Variants in WSCD2 observed in about 807,000 individuals in gnomAD.
The protein encoded by WSCD2 is sialate:O-sulfotransferase 2.
A neutral mutation model predicts 55.7 loss-of-function variants in WSCD2; 28 were observed. The ratio of observed to expected loss-of-function variants is 0.50; its 90% confidence interval spans 0.37 to 0.69. The LOEUF is 0.69. Among genes scored for constraint, WSCD2 ranks in the 30% least tolerant of loss-of-function variants. The pLI, the probability that WSCD2 is intolerant of heterozygous loss-of-function variation, is 0.00. For missense variants in WSCD2, 616 were observed against 762.1 expected (o/e 0.81, Z 2.26); for synonymous variants, 301 against 301.9 (o/e 1.00, Z 0.03).
At chr12:108,221,222 G>C (rs1160394968) in intron 4 of WSCD2, among the ~76,000 whole-genome samples, 1 of 152,100 alleles carries the variant, frequency 6.6e-6, no homozygotes, top group African/African-American at 2.4e-5. Flanking sequence ...CACAGTGCTT[G>C]GGACTTCCCG....
At chr12:108,219,675 C>A (rs770798710) in intron 4 of WSCD2, among the ~76,000 whole-genome samples, 1 of 152,154 alleles carries the variant, frequency 6.6e-6, no homozygotes, top group Non-Finnish European at 1.5e-5. Flanking sequence ...GGCCTCAGAC[C>A]CCACCAGGGT....
intron 2 of WSCD2, among the ~76,000 whole-genome samples, chr12:108,204,469 C>A (rs1377988833): frequency 6.6e-6 from 1 of 152,188 alleles, no homozygotes; most frequent in East Asian, 1.9e-4. Flanking sequence ...AATGGCTGAA[C>A]TGAAGTTAGT....
At chr12:108,174,245 A>G (rs4964233) in intron 1 of WSCD2, among the ~76,000 whole-genome samples, 102,449 of 151,994 alleles carry the variant, frequency 0.67, 36,166 homozygotes, top group East Asian at 0.91. Context: ...CCCTCCCCAC[A>G]TATGTAGGCA....
intron 1 of WSCD2, among the ~76,000 whole-genome samples, chr12:108,147,603 A>G (rs1471174743): frequency 6.6e-6 from 1 of 152,138 alleles, no homozygotes; most frequent in African/African-American, 2.4e-5. Context: ...GACAGCGGGT[A>G]TGGTGGCTCA....
intron 1 of WSCD2, among the ~76,000 whole-genome samples, chr12:108,157,459 C>A (rs1878636052): frequency 6.6e-6 from 1 of 152,188 alleles, no homozygotes; most frequent in Non-Finnish European, 1.5e-5. Flanking sequence ...TGGCCCCTAA[C>A]TCCTCTGGGC....
At chr12:108,185,371 C>T (rs1454884007) in intron 1 of WSCD2, among the ~76,000 whole-genome samples, 1 of 152,162 alleles carries the variant, frequency 6.6e-6, no homozygotes, top group Non-Finnish European at 1.5e-5. Context: ...CTTTTTCCAC[C>T]TCCCAGTCTC....
intron 1 of WSCD2, among the ~76,000 whole-genome samples, chr12:108,186,721 T>A (rs1007289685): frequency 6.6e-6 from 1 of 152,234 alleles, no homozygotes; most frequent in Admixed American, 6.5e-5. Flanking sequence ...TTTGGGTAAA[T>A]TCCCATGAGC....
intron 3 of WSCD2, among the ~76,000 whole-genome samples, chr12:108,208,472 T>A (rs11113774): frequency 1.3e-5 from 2 of 152,094 alleles, no homozygotes; most frequent in African/African-American, 4.8e-5. Context: ...GAGGGCTCCA[T>A]GTGGAGGGTT....
chr12:108,177,495 T>C (rs923955312), intron 1 of WSCD2, among the ~76,000 whole-genome samples: 4 of 152,118 alleles, frequency 2.6e-5, no homozygotes, highest in South Asian at 2.1e-4. Context: ...TTACTGAAGC[T>C]CTCTGGGCCT....
chr12:108,182,134 A>G (rs1881853870), intron 1 of WSCD2, among the ~76,000 whole-genome samples: 1 of 152,208 alleles, frequency 6.6e-6, no homozygotes, highest in Admixed American at 6.5e-5. Context: ...GAAAAAATAA[A>G]TCACTCCTAA....
Position 108,248,672 on chromosome 12 carries a change from C to A in WSCD2, c.*329C>A. On this transcript the variant is annotated 3_prime_UTR_variant, in exon 9 of 9. Transcript: ENST00000547525. The surrounding 1 kb of genome is among the most constrained non-coding windows in gnomAD (Gnocchi z 4.3). ...ATTTGTGGGAGGGAGGGCTCATCCACATCATGGAGACTTGCTGGATGCCCC... is the reference window on the plus strand; with the variant it reads ...ATTTGTGGGAGGGAGGGCTCATCCAAATCATGGAGACTTGCTGGATGCCCC... The A allele has an allele frequency of 9.3e-7, 1 of 1,072,320 alleles. No individual in the cohort carries two copies. The allele number at this position is 1,072,320 out of a possible 1,614,324, so 66.4% of individuals were successfully genotyped here. A position where few individuals can be genotyped will look rare whatever the true frequency, so the allele number is the denominator to read the frequency against.
intron 7 of WSCD2, chr12:108,233,098 G>T (rs117189074): frequency 1.7e-6 from 1 of 596,834 alleles, no homozygotes; most frequent in Admixed American, 3.1e-5. Context: ...TCATGTCCTG[G>T]ATACTCCACT....
At chr12:108,138,984 A>C (rs1876506659) in intron 1 of WSCD2, among the ~76,000 whole-genome samples, 1 of 152,174 alleles carries the variant, frequency 6.6e-6, no homozygotes, top group African/African-American at 2.4e-5. Flanking sequence ...TCATGTTCAC[A>C]GCTGTGCCTC....
At chr12:108,142,460 A>G (rs1009021265) in intron 1 of WSCD2, among the ~76,000 whole-genome samples, 1 of 152,212 alleles carries the variant, frequency 6.6e-6, no homozygotes, top group African/African-American at 2.4e-5. Context: ...CAGCAGCTTC[A>G]GGTGTAAGGC....
chr12:108,211,654 T>C (rs9739684), intron 4 of WSCD2, among the ~76,000 whole-genome samples: 1 of 144,266 alleles, frequency 6.9e-6, no homozygotes, highest in African/African-American at 2.6e-5. Flanking sequence ...TATATATACA[T>C]ATATATATAT....
Position 108,232,729 on chromosome 12 carries a change from A to G in WSCD2, c.980-2A>G. The G allele has an allele frequency of 6.2e-7, 1 of 1,609,150 alleles. No individual in the cohort carries two copies. Among genetic ancestry groups the G allele is most frequent in the Non-Finnish European group, 8.5e-7 (1 of 1,177,050 alleles). On this transcript the variant is annotated splice_acceptor_variant, in intron 6 of 8. Transcript: ENST00000547525. LOFTEE classifies it high-confidence loss of function. ...CCTCTGTCCATGCTCCGCCCTTTTC[A>G]GACAACCGTTGCATGGACAGAAGGT...
At chr12:108,196,615 T>C (rs1173132560) in intron 2 of WSCD2, among the ~76,000 whole-genome samples, 1 of 152,196 alleles carries the variant, frequency 6.6e-6, no homozygotes, top group African/African-American at 2.4e-5. Context: ...ACCACAACTG[T>C]AGGTGATAGA....
rs947193415 is a variant in WSCD2 at position 108,240,561 on chromosome 12, G to A, written c.1345+17G>A. On this transcript the variant is annotated intron_variant, in intron 8 of 8. Coordinates refer to ENST00000547525, the MANE Select transcript of WSCD2 (RefSeq NM_014653.4). ...AGGGCAAAGGTACAGCTCGGGAGAGGAGGGGAGGGGAGGGGAGGGGCTTCG... is the reference window on the plus strand; with the variant it reads ...AGGGCAAAGGTACAGCTCGGGAGAGAAGGGGAGGGGAGGGGAGGGGCTTCG... The A allele has an allele frequency of 6.6e-7, 1 of 1,521,976 alleles. No individual in the cohort carries two copies. Among genetic ancestry groups the A allele is most frequent in the Non-Finnish European group, 9.0e-7 (1 of 1,113,066 alleles). The allele number at this position is 1,521,976 out of a possible 1,614,324, so 94.3% of individuals were successfully genotyped here.
intron 1 of WSCD2, among the ~76,000 whole-genome samples, chr12:108,166,790 T>TTTC (rs1211528080): frequency 3.4e-5 from 5 of 147,900 alleles, no homozygotes; most frequent in African/African-American, 1.3e-4. Flanking sequence ...TCTTTCTTTC[T>TTTC]GTCTTTCTTT....
Sources: gnomAD v4.1 joint callset for allele counts (sites outside exome capture counted in the v4.1 genomes callset) on GRCh38, gnomAD v4.1.1 for gene constraint, Gnocchi (gnomAD v3.1) non-coding constraint, MANE v1.5 for transcripts, NCBI Gene and HGNC (gene_info 2026-07-23, HGNC 2026-07-21) for gene names.